Variants in CDYL observed in about 807,000 individuals in gnomAD.
CDYL encodes the protein chromodomain Y-like protein.
CDYL carries 8 observed loss-of-function variants against 47.3 expected under a neutral mutation model. That is an observed-to-expected ratio of 0.17 (90% CI 0.10 to 0.31). The LOEUF (loss-of-function observed/expected upper bound fraction) is 0.31. Ranked by LOEUF, CDYL falls within the 10% of genes least tolerant of loss-of-function variation. The pLI is 1.00. For synonymous variants in CDYL, 266 were observed against 265.0 expected (o/e 1.00, Z -0.04); for missense variants, 471 against 701.4 (o/e 0.67, Z 3.71).
At chr6:4,794,577 C>G (rs368174499) in intron 1 of CDYL, among the ~76,000 whole-genome samples, 1 of 151,742 alleles carries the variant, frequency 6.6e-6, no homozygotes, top group Admixed American at 6.6e-5. Context: ...GGAAAGAGCT[C>G]GGGAAGGGGA....
At chr6:4,937,404 G>C (rs930768842) in intron 3 of CDYL, among the ~76,000 whole-genome samples, 161 bp from the exon 4 acceptor site, 55 of 152,256 alleles carry the variant, frequency 3.6e-4, no homozygotes, top group African/African-American at 1.2e-3. Flanking sequence ...GCGGAGGCGG[G>C]AGGATTGTTT....
chr6:4,923,608 A>G (rs968235122), intron 2 of CDYL, among the ~76,000 whole-genome samples: 7 of 152,144 alleles, frequency 4.6e-5, no homozygotes, highest in Non-Finnish European at 7.3e-5. Context: ...GCCGGATCAT[A>G]TGGTAGATTT....
At chr6:4,927,112 G>C (rs1202078344) in intron 2 of CDYL, among the ~76,000 whole-genome samples, 1 of 152,196 alleles carries the variant, frequency 6.6e-6, no homozygotes, top group Non-Finnish European at 1.5e-5. Flanking sequence ...ATGAAGTTTA[G>C]GGCTTTTGGC....
intron 1 of CDYL, among the ~76,000 whole-genome samples, chr6:4,820,552 C>G (rs937899697): frequency 3.9e-5 from 6 of 152,148 alleles, no homozygotes; most frequent in South Asian, 4.1e-4. Flanking sequence ...GGGAGGCATC[C>G]CAGTGAGGGA....
intron 2 of CDYL, among the ~76,000 whole-genome samples, chr6:4,907,874 A>T (rs1042761783): frequency 1.1e-4 from 17 of 152,050 alleles, no homozygotes; most frequent in African/African-American, 3.9e-4. Context: ...GTTCAGTTAG[A>T]TGCTCTCCCT....
intron 2 of CDYL, among the ~76,000 whole-genome samples, chr6:4,719,325 G>A (rs1757327789): frequency 6.6e-6 from 1 of 152,160 alleles, no homozygotes. Context: ...ATTTATAGAA[G>A]TAGGATTACT....
At chr6:4,836,529 C>T (rs1169098102) in intron 1 of CDYL, among the ~76,000 whole-genome samples, 1 of 152,210 alleles carries the variant, frequency 6.6e-6, no homozygotes, top group Non-Finnish European at 1.5e-5. Flanking sequence ...TCACCAGCCT[C>T]TCCCCTCTCC....
chr6:4,800,400 T>C (rs1759189388), intron 1 of CDYL, among the ~76,000 whole-genome samples: 1 of 152,246 alleles, frequency 6.6e-6, no homozygotes, highest in South Asian at 2.1e-4. Flanking sequence ...CTTAGTATTA[T>C]TGTCACAGTT....
intron 2 of CDYL, chr6:4,734,735 A>G: frequency 6.2e-7 from 1 of 1,613,250 alleles, no homozygotes; most frequent in Admixed American, 1.7e-5. Context: ...CACCTCTCTC[A>G]GAAACTTTCT....
chr6:4,766,983 C>CA (rs1758264211), intron 3 of CDYL, among the ~76,000 whole-genome samples: 1 of 151,618 alleles, frequency 6.6e-6, no homozygotes, highest in Non-Finnish European at 1.5e-5. Context: ...GCCTGGGTGA[C>CA]AAAGTGAGAC....
At chr6:4,848,738 A>G (rs1241961109) in intron 1 of CDYL, among the ~76,000 whole-genome samples, 1 of 152,240 alleles carries the variant, frequency 6.6e-6, no homozygotes, top group African/African-American at 2.4e-5. Context: ...TTTTTAGGAC[A>G]TGCTAAGGAT....
At chr6:4,724,699 G>A (rs1410865999) in intron 2 of CDYL, 1 of 152,178 alleles carries the variant, frequency 6.6e-6, no homozygotes, top group Non-Finnish European at 1.5e-5. Flanking sequence ...AGCGCGTCTG[G>A]AATTCTTCGT....
chr6:4,794,578 G>A (rs536474835), intron 1 of CDYL, among the ~76,000 whole-genome samples: 7 of 152,116 alleles, frequency 4.6e-5, no homozygotes, highest in Non-Finnish European at 1.0e-4. Context: ...GAAAGAGCTC[G>A]GGAAGGGGAG....
chr6:4,924,865 T>TTGTCA (rs1424439383), intron 2 of CDYL, among the ~76,000 whole-genome samples: 4 of 152,196 alleles, frequency 2.6e-5, no homozygotes, highest in Non-Finnish European at 5.9e-5. Context: ...CACAAAGACT[T>TTGTCA]TGTCATGGAC....
At chr6:4,786,677 C>A (rs1758764934) in intron 1 of CDYL, among the ~76,000 whole-genome samples, 2 of 152,138 alleles carry the variant, frequency 1.3e-5, no homozygotes, top group Non-Finnish European at 2.9e-5. Flanking sequence ...AAAAAAGTGA[C>A]TGTGCTGTTG....
intron 1 of CDYL, among the ~76,000 whole-genome samples, chr6:4,786,089 A>G (rs1318522490): frequency 6.6e-6 from 1 of 152,238 alleles, no homozygotes; most frequent in Non-Finnish European, 1.5e-5. Context: ...CATAAATTTT[A>G]TGGTCATTTC....
At chr6:4,730,889 C>G (rs1242835713) in intron 2 of CDYL, among the ~76,000 whole-genome samples, 1 of 152,090 alleles carries the variant, frequency 6.6e-6, no homozygotes, top group Non-Finnish European at 1.5e-5. Context: ...TTCCGCCTTG[C>G]TCTCCCTCTT....
chr6:4,762,974 C>T (rs1386752731), intron 3 of CDYL, among the ~76,000 whole-genome samples: 2 of 151,982 alleles, frequency 1.3e-5, no homozygotes, highest in African/African-American at 4.8e-5. Flanking sequence ...CAAACGAATA[C>T]CTAAACACAT....
intron 2 of CDYL, among the ~76,000 whole-genome samples, chr6:4,728,172 T>C (rs1757547160): frequency 6.6e-6 from 1 of 152,236 alleles, no homozygotes; most frequent in African/African-American, 2.4e-5. Context: ...TGACTGGGAC[T>C]GTTACTTCTT....
Sources: allele counts gnomAD v4.1 joint callset (sites outside exome capture counted in the v4.1 genomes callset), GRCh38; gene constraint gnomAD v4.1.1; transcripts MANE v1.5; gene names NCBI Gene and HGNC (gene_info 2026-07-23, HGNC 2026-07-21).